Variants in ZNF573 observed in about 807,000 individuals in gnomAD.
ZNF573 encodes the protein zinc finger protein 573.
Under a neutral mutation model 57.4 loss-of-function variants are expected in ZNF573, and 41 were observed. The ratio of observed to expected loss-of-function variants is 0.71; its 90% confidence interval spans 0.56 to 0.93. The LOEUF is 0.93. Ranked by LOEUF, ZNF573 falls within the 40% of genes least tolerant of loss-of-function variation. ZNF573 has a pLI of 0.00. For missense variants in ZNF573, 730 were observed against 794.8 expected (o/e 0.92, Z 0.98); for synonymous variants, 249 against 261.0 (o/e 0.95, Z 0.44).
At chr19:37,771,525 C>T in intron 3 of ZNF573, 39 bp downstream of exon 3, 2 of 1,595,068 alleles carry the variant, frequency 1.3e-6, no homozygotes, top group Non-Finnish European at 1.7e-6. Context: ...TAACATATCA[C>T]AGATCACATT....
Position 37,740,002 on chromosome 19 carries a change from T to TCATAGGGTCTCTC in ZNF573, c.475_487dup (p.Glu163GlyfsTer5), listed in dbSNP as rs1427420959. The TCATAGGGTCTCTC allele has an allele frequency of 6.2e-7, 1 of 1,614,056 alleles. No individual in the cohort carries two copies. Among genetic ancestry groups the TCATAGGGTCTCTC allele is most frequent in the Non-Finnish European group, 8.5e-7 (1 of 1,180,022 alleles). The stretch of plus-strand genomic sequence containing the variant: ...AAAGTTCTTCCCACACTCTTTGCAT[T>TCATAGGGTCTCTC]CATAGGGTCTCTCAATGACATGAAA... On this transcript the variant is annotated stop_gained and frameshift_variant, in exon 5 of 5. Coordinates refer to ENST00000536220, the MANE Select transcript of ZNF573 (RefSeq NM_001172690.2). LOFTEE classifies it high-confidence loss of function.
rs1314986646 is a variant in ZNF573, at chr19:37,740,052, A to G, written c.438T>C (p.Gly146=). The change falls in exon 5 of 5, where the codon GGT becomes GGC. Residue 146 remains glycine, a synonymous_variant. Transcript: ENST00000536220. ...ACCTGTGATGTAGAATAAGTTGATA[A>G]CCACTACTAAATTTCTTCTGACATT... The part of the protein sequence containing the change: ...CKKCQKKFSS[G]YQLILHHRFH... The G allele has an allele frequency of 1.2e-6, 2 of 1,614,018 alleles. No homozygotes were observed. The highest frequency in any genetic ancestry group is 1.7e-5 in the Admixed American group (1 of 60,004).
chr19:37,778,104 T>C (rs1008697831), intron 1 of ZNF573, among the ~76,000 whole-genome samples: 1 of 151,714 alleles, frequency 6.6e-6, no homozygotes, highest in African/African-American at 2.4e-5. Flanking sequence ...GTTAGTCTTT[T>C]AGGATATGAC....
At chr19:37,778,876 GT>G (rs2045737228) in intron 1 of ZNF573, among the ~76,000 whole-genome samples, 1 of 152,140 alleles carries the variant, frequency 6.6e-6, no homozygotes, top group Non-Finnish European at 1.5e-5. Context: ...TTCACAGCAG[GT>G]TCCTGGGGTC....
chr19:37,753,545 T>C (rs1432898706), intron 4 of ZNF573, among the ~76,000 whole-genome samples: 4 of 152,064 alleles, frequency 2.6e-5, no homozygotes, highest in Non-Finnish European at 5.9e-5. Context: ...AATGGAAATA[T>C]ATGGTATTCA....
intron 4 of ZNF573, among the ~76,000 whole-genome samples, chr19:37,768,664 T>G (rs552726150): frequency 9.5e-4 from 144 of 152,176 alleles, no homozygotes; most frequent in Admixed American, 2.0e-3. Context: ...TATTTTATTT[T>G]ATTTATTTAT....
chr19:37,742,321 A>T (rs528215661), intron 4 of ZNF573, among the ~76,000 whole-genome samples: 6 of 152,298 alleles, frequency 3.9e-5, no homozygotes, highest in African/African-American at 1.4e-4. Flanking sequence ...ATTAGAAAAA[A>T]ACTGTTTTAA....
intron 1 of ZNF573, among the ~76,000 whole-genome samples, chr19:37,775,839 C>A (rs2045702422): frequency 1.8e-5 from 1 of 56,748 alleles, no homozygotes; most frequent in Admixed American, 2.2e-4. Flanking sequence ...TTTACAACAG[C>A]TGCAAAAAAA....
chr19:37,754,037 C>T (rs976828317), intron 4 of ZNF573, among the ~76,000 whole-genome samples: 1 of 152,010 alleles, frequency 6.6e-6, no homozygotes, highest in Non-Finnish European at 1.5e-5. Context: ...GAACATACAG[C>T]GACTACAATG....
intron 4 of ZNF573, among the ~76,000 whole-genome samples, chr19:37,751,077 C>CTG (rs1369902324): frequency 2.7e-5 from 4 of 147,518 alleles, no homozygotes; most frequent in African/African-American, 1.0e-4. Flanking sequence ...GGTATATATA[C>CTG]TGTGTATATA....
chr19:37,764,063 C>CAA lies in ZNF573; in HGVS notation c.295+5940_295+5941dup, dbSNP rs11333523. On this transcript the variant is annotated intron_variant, in intron 4 of 4. Transcript: ENST00000536220. ...GGGCGACAAGAGCGAAACTCTGCCT[C>CAA]AAAAAAAAAAAAAAAAAAATAGAAT... 7.8e-3 allele frequency among the ~76,000 whole-genome samples: 823 copies of CAA among 105,662 alleles called. 27 individuals carry two copies. The highest frequency in any genetic ancestry group is 0.074 in the East Asian group (210 of 2,828). 69.3% of individuals were successfully genotyped at this position (105,662 alleles called of 152,430 possible). A position where few individuals can be genotyped will look rare whatever the true frequency, so the allele number is the denominator to read the frequency against.
At chr19:37,752,533 T>TGC (rs2045448396) in intron 4 of ZNF573, among the ~76,000 whole-genome samples, 1 of 152,236 alleles carries the variant, frequency 6.6e-6, no homozygotes, top group African/African-American at 2.4e-5. Flanking sequence ...ATTCCTTTTT[T>TGC]ATATGCAGAA....
intron 4 of ZNF573, among the ~76,000 whole-genome samples, chr19:37,751,711 TAC>T (rs1394663001): frequency 1.4e-5 from 2 of 143,516 alleles, no homozygotes; most frequent in East Asian, 2.1e-4. Flanking sequence ...CTGTATATAG[TAC>T]ATAGTACCGT....
At chr19:37,771,029 C>G (rs2045654246) in intron 3 of ZNF573, among the ~76,000 whole-genome samples, 1 of 150,688 alleles carries the variant, frequency 6.6e-6, no homozygotes, top group East Asian at 2.0e-4. Flanking sequence ...TTATAACTTT[C>G]AACAATAAAT....
At chr19:37,754,512 T>G (rs1210857973) in intron 4 of ZNF573, among the ~76,000 whole-genome samples, 1 of 117,036 alleles carries the variant, frequency 8.5e-6, no homozygotes, top group Non-Finnish European at 1.7e-5. Context: ...AAAGTGAGAC[T>G]CCACCTCAAA....
chr19:37,740,278 T>C, intron 4 of ZNF573, 84 bp from the exon 5 acceptor site: 2 of 1,288,988 alleles, frequency 1.6e-6, no homozygotes, highest in Non-Finnish European at 2.1e-6. Context: ...AAAACCAACA[T>C]TCATAATAAG....
chr19:37,763,609 A>G (rs2045573073), intron 4 of ZNF573, among the ~76,000 whole-genome samples: 1 of 152,082 alleles, frequency 6.6e-6, no homozygotes, highest in Non-Finnish European at 1.5e-5. Context: ...ATCAGTCATA[A>G]GGGAGAAAGC....
chr19:37,753,315 T>C (rs188520258), intron 4 of ZNF573, among the ~76,000 whole-genome samples: 2 of 152,144 alleles, frequency 1.3e-5, no homozygotes, highest in Admixed American at 1.3e-4. Context: ...TAATAATCAC[T>C]TCAGGGTAAA....
rs1028053202 is a variant in ZNF573 at position 37,759,119 on chromosome 19, A to T, written c.295+10886T>A. 7.6e-6 allele frequency: 4 copies of T among 524,874 alleles called. No individual in the cohort carries two copies. In the African/African-American group the frequency reaches 8.2e-5, roughly 11 times the overall value. The allele number at this position is 524,874 out of a possible 1,614,324, so 32.5% of individuals were successfully genotyped here. ...CCCAGGAGTTAGAGACCAGCTGAGCAACCCAGTGAGACCCCCATCTCTAAT... is the reference window on the plus strand; with the variant it reads ...CCCAGGAGTTAGAGACCAGCTGAGCTACCCAGTGAGACCCCCATCTCTAAT... On this transcript the variant is annotated intron_variant, in intron 4 of 4. Transcript: ENST00000536220.
Sources: allele counts gnomAD v4.1 joint callset (sites outside exome capture counted in the v4.1 genomes callset), GRCh38; gene constraint gnomAD v4.1.1; transcripts MANE v1.5; gene names NCBI Gene and HGNC (gene_info 2026-07-23, HGNC 2026-07-21).